Variants in PEX7 observed in about 807,000 individuals in gnomAD.
PEX7 encodes the protein PTS2 receptor.
In PEX7, 34 loss-of-function variants were observed where a neutral mutation model predicts 47.5. The observed-to-expected ratio is 0.72, with a 90% CI of 0.54 to 0.95. The LOEUF (loss-of-function observed/expected upper bound fraction) is 0.95. Ranked by LOEUF, PEX7 falls within the 40% of genes least tolerant of loss-of-function variation. The probability of loss-of-function intolerance (pLI) is 0.00; values close to 1 mark genes in which losing one functional copy is unlikely to be tolerated. For synonymous variants in PEX7, 141 were observed against 148.8 expected, an observed-to-expected ratio of 0.95 and a Z score of 0.38; for missense variants, 394 against 400.3, an observed-to-expected ratio of 0.98 and a Z score of 0.13.
At chr6:136,890,458 TC>T (rs2115261066) in intron 8 of PEX7, among the ~76,000 whole-genome samples, 1 of 152,262 alleles carries the variant, frequency 6.6e-6, no homozygotes, top group Admixed American at 6.5e-5. Flanking sequence ...GATTTTTTTT[TC>T]TTTTTTTACC....
chr6:136,874,233 G>A (rs1199993888), intron 8 of PEX7, among the ~76,000 whole-genome samples: 1 of 152,216 alleles, frequency 6.6e-6, no homozygotes, highest in African/African-American at 2.4e-5. Context: ...TGCAAAACTA[G>A]TGGAGCATGG....
At chr6:136,884,706 A>G (rs879833592) in intron 8 of PEX7, among the ~76,000 whole-genome samples, 3 of 152,202 alleles carry the variant, frequency 2.0e-5, no homozygotes, top group Non-Finnish European at 2.9e-5. Context: ...TACATTTCAC[A>G]GAATAACTAA....
intron 3 of PEX7, 125 bp from the exon 4 acceptor site, chr6:136,845,490 G>A: frequency 1.4e-6 from 1 of 720,390 alleles, no homozygotes; most frequent in South Asian, 1.5e-5. Flanking sequence ...AGATGGATAG[G>A]AATTATTTGA....
Position 136,832,723 on chromosome 6 carries a change from A to G in PEX7, c.339+6254A>G, listed in dbSNP as rs114471789. 3.0e-3 allele frequency among the ~76,000 whole-genome samples: 453 copies of G among 152,302 alleles called. 3 individuals are homozygous for G. The highest frequency in any genetic ancestry group is 0.01 in the African/African-American group (436 of 41,568). On this transcript the variant is annotated intron_variant, in intron 3 of 9. Coordinates refer to ENST00000318471, the MANE Select transcript of PEX7 (RefSeq NM_000288.4). ...AAATCTCTTTCACCAGACACTCTAA[A>G]TCATCTCTCTCAAATTCAAGCTTCC...
At chr6:136,841,682 C>G (rs970091960) in intron 3 of PEX7, among the ~76,000 whole-genome samples, 1 of 152,160 alleles carries the variant, frequency 6.6e-6, no homozygotes, top group Non-Finnish European at 1.5e-5. Context: ...CTTGTGGGCT[C>G]AAGCCATCCT....
chr6:136,842,807 A>G (rs1403364478), intron 3 of PEX7, among the ~76,000 whole-genome samples: 6 of 152,180 alleles, frequency 3.9e-5, no homozygotes, highest in African/African-American at 1.4e-4. Context: ...CTGAGTTAGA[A>G]GTAGGTGTGA....
chr6:136,866,873 A>C, intron 6 of PEX7, 140 bp downstream of exon 6: 1 of 742,520 alleles, frequency 1.3e-6, no homozygotes, highest in Non-Finnish European at 2.3e-6. Flanking sequence ...TTTCTAATTA[A>C]TGATTGTGAC....
chr6:136,878,111 T>C (rs1430519188), intron 8 of PEX7, among the ~76,000 whole-genome samples: 1 of 152,180 alleles, frequency 6.6e-6, no homozygotes, highest in Non-Finnish European at 1.5e-5. Context: ...TGTTTGTCTA[T>C]TATTGGTGCA....
In PEX7 at chr6:136,913,664, C is replaced by T. The variant is rs2115300463; in HGVS notation, c.*138C>T. The T allele has an allele frequency of 2.7e-6, 2 of 735,338 alleles. No individual in the cohort carries two copies. Among genetic ancestry groups the T allele is most frequent in the East Asian group, 5.1e-5 (2 of 39,356 alleles). 45.6% of individuals were successfully genotyped at this position (735,338 alleles called of 1,614,324 possible). A position where few individuals can be genotyped will look rare whatever the true frequency, so the allele number is the denominator to read the frequency against. On this transcript the variant is annotated 3_prime_UTR_variant, in exon 10 of 10. Coordinates refer to ENST00000318471, the MANE Select transcript of PEX7 (RefSeq NM_000288.4). Reference sequence around the variant, plus strand: ...AAATCTTTCCAATTTACCCTGGAATCAGTTTTGAGGGAGCTGATAAAGACT... The same window carrying T: ...AAATCTTTCCAATTTACCCTGGAATTAGTTTTGAGGGAGCTGATAAAGACT...
chr6:136,908,334 A>G (rs1775877116), intron 9 of PEX7, among the ~76,000 whole-genome samples: 1 of 152,170 alleles, frequency 6.6e-6, no homozygotes, highest in Non-Finnish European at 1.5e-5. Context: ...TTACCCTATT[A>G]GTTTAGTTTT....
intron 5 of PEX7, among the ~76,000 whole-genome samples, chr6:136,863,221 G>T (rs1385436484): frequency 1.3e-5 from 2 of 152,114 alleles, no homozygotes; most frequent in African/African-American, 4.8e-5. Flanking sequence ...CCATAGAAGA[G>T]GGACTGACAT....
intron 3 of PEX7, 76 bp from the exon 4 acceptor site, chr6:136,845,539 G>A: frequency 1.2e-6 from 1 of 838,526 alleles, no homozygotes; most frequent in Non-Finnish European, 2.1e-6. Context: ...GCCTCTCATT[G>A]TTATGTAACA....
At chr6:136,866,786 T>G in intron 6 of PEX7, 53 bp downstream of exon 6, 1 of 1,461,698 alleles carries the variant, frequency 6.8e-7, no homozygotes, top group Non-Finnish European at 9.6e-7. Flanking sequence ...GTTAAAATGT[T>G]CTGAATTTTA....
chr6:136,894,347 T>G (rs1164767596), intron 8 of PEX7, among the ~76,000 whole-genome samples: 1 of 151,744 alleles, frequency 6.6e-6, no homozygotes, highest in Non-Finnish European at 1.5e-5. Flanking sequence ...ATCCCAGCAC[T>G]TTGGGAGGCC....
chr6:136,910,155 A>C (rs1235429670), intron 9 of PEX7, among the ~76,000 whole-genome samples: 1 of 152,270 alleles, frequency 6.6e-6, no homozygotes, highest in Admixed American at 6.5e-5. Flanking sequence ...TATTGTGAAC[A>C]TGAGGACAGA....
At chr6:136,849,514 A>G (rs1190962665) in intron 5 of PEX7, among the ~76,000 whole-genome samples, 1 of 152,108 alleles carries the variant, frequency 6.6e-6, no homozygotes, top group Non-Finnish European at 1.5e-5. Context: ...CCCTCTACAC[A>G]CTGCTTTAAA....
chr6:136,897,538 G>T (rs1321872857), intron 8 of PEX7, among the ~76,000 whole-genome samples: 1 of 152,114 alleles, frequency 6.6e-6, no homozygotes, highest in Non-Finnish European at 1.5e-5. Flanking sequence ...TGTTTTTCTT[G>T]ATTCTAGGAA....
chr6:136,830,348 A>C, intron 3 of PEX7: 1 of 282,230 alleles, frequency 3.5e-6, no homozygotes, highest in Non-Finnish European at 6.5e-6. Context: ...CTTGATGGCT[A>C]TGTGTCCAAC....
In PEX7 at chr6:136,908,721, A is replaced by G. The variant is rs200983493; in HGVS notation, c.904-4737A>G. ...AAAAAACCCTAGTTGGGATTCAGAA[A>G]AAAACTGCCTCTCGAAAGATTGAGT... On this transcript the variant is annotated intron_variant, in intron 9 of 9. Coordinates refer to ENST00000318471, the MANE Select transcript of PEX7 (RefSeq NM_000288.4). Among the ~76,000 whole-genome samples the G allele has an allele frequency of 3.3e-4, 50 of 152,340 alleles. No homozygotes were observed. The East Asian group carries it at 6.2e-3, about 19-fold the overall frequency.
Sources: allele counts gnomAD v4.1 joint callset (sites outside exome capture counted in the v4.1 genomes callset), GRCh38; gene constraint gnomAD v4.1.1; transcripts MANE v1.5; gene names NCBI Gene and HGNC (gene_info 2026-07-23, HGNC 2026-07-21).